The following SMARCD2 variants were observed in gnomAD, a reference collection of about 807,000 sequenced individuals.
SMARCD2 encodes SWI/SNF related BAF chromatin remodeling complex subunit D2.
Under a neutral mutation model 70.4 loss-of-function variants are expected in SMARCD2, and 39 were observed. The observed-to-expected ratio is 0.55, with a 90% CI of 0.43 to 0.72. SMARCD2 has a LOEUF of 0.72. Ranked by LOEUF, SMARCD2 falls within the 30% of genes least tolerant of loss-of-function variation. The pLI is 0.00. For synonymous variants in SMARCD2, 249 were observed against 279.4 expected (o/e 0.89, Z 1.08); for missense variants, 540 against 713.4 (o/e 0.76, Z 2.77).
chr17:63,838,145 C>T (rs542883424), intron 1 of SMARCD2, among the ~76,000 whole-genome samples: 1 of 152,090 alleles, frequency 6.6e-6, no homozygotes, highest in African/African-American at 2.4e-5. Flanking sequence ...CCTCTGTGGC[C>T]GAGGGAGAAA....
chr17:63,839,832 TAA>T (rs1904379304), intron 1 of SMARCD2, among the ~76,000 whole-genome samples: 2 of 152,050 alleles, frequency 1.3e-5, no homozygotes, highest in African/African-American at 4.8e-5. Context: ...CTCCCATGAG[TAA>T]AAAGGATTTT....
chr17:63,834,492 C>G lies in SMARCD2; in HGVS notation c.903G>C (p.Leu301=). 1 of 1,598,178 alleles carries G rather than the reference C, an allele frequency of 6.3e-7. No homozygotes were observed. Among genetic ancestry groups the G allele is most frequent in the Non-Finnish European group, 8.6e-7 (1 of 1,169,018 alleles). The part of the protein sequence containing the change: ...PGDLNVKCTL[L]LMLDHQPPQY... Reference sequence around the variant, plus strand: ...CTGTCACCTGATGATCCAGCATGAGCAGGAGGGTGCACTTGACGTTGAGGT... The same window carrying G: ...CTGTCACCTGATGATCCAGCATGAGGAGGAGGGTGCACTTGACGTTGAGGT... The change falls in exon 7 of 13, where the codon CTG becomes CTC. Residue 301 remains leucine (L), a synonymous_variant. Transcript: ENST00000448276. The surrounding 1 kb of genome is among the most constrained non-coding windows in gnomAD (Gnocchi z 5.6).
chr17:63,839,759 T>A lies in SMARCD2; in HGVS notation c.217-2134A>T, dbSNP rs1039159067. On this transcript the variant is annotated intron_variant, in intron 1 of 12. Transcript: ENST00000448276. ...TGAGCGTGCTTTGCCCTGCCCCAAA[T>A]GTGGCCCTGATGCTCCTGGAACCTG... Among the ~76,000 whole-genome samples the A allele has an allele frequency of 4.6e-5, 7 of 152,244 alleles. No homozygotes were observed. The East Asian group carries it at 9.7e-4, about 21-fold the overall frequency.
Position 63,833,536 on chromosome 17 carries a change from G to A in SMARCD2, c.1317+51C>T. ...TGTATGGAAATGCTGGACAGAGCCAGCCCACCCCAATCCTGGGCCCCAGAG... is the reference window on the plus strand; with the variant it reads ...TGTATGGAAATGCTGGACAGAGCCAACCCACCCCAATCCTGGGCCCCAGAG... On this transcript the variant is annotated intron_variant, in intron 10 of 12. Coordinates refer to ENST00000448276, the MANE Select transcript of SMARCD2 (RefSeq NM_001098426.2). This position sits in a 1 kb window ranked among gnomAD's most constrained non-coding sequence, Gnocchi z 4.3. 1 of 1,612,984 alleles carries A rather than the reference G, an allele frequency of 6.2e-7. No homozygotes were observed. The highest frequency in any genetic ancestry group is 1.1e-5 in the South Asian group (1 of 91,020).
rs199875010 is a variant in SMARCD2, at chr17:63,835,515, G to A, written c.620C>T (p.Ala207Val). Residue 207 changes from alanine (A) to valine (V), a missense_variant, in exon 5 of 13, where the codon GCG becomes GTG. Coordinates refer to ENST00000448276, the MANE Select transcript of SMARCD2 (RefSeq NM_001098426.2). ...YISNTFSPSK[A>V]EGDSAGTAGT... ...TGCAGTTCCTGCACTATCGCCTTCC[G>A]CCTTGCTGGGACTGAACGTATTGGA... 31 of 1,613,856 alleles carry A rather than the reference G, an allele frequency of 1.9e-5. No individual in the cohort carries two copies. Among genetic ancestry groups the A allele is most frequent in the East Asian group, 2.2e-5 (1 of 44,896 alleles).
At chr17:63,835,020 T>C in intron 5 of SMARCD2, 1 of 583,592 alleles carries the variant, frequency 1.7e-6, no homozygotes, top group Non-Finnish European at 3.0e-6. Context: ...TCGACTGCCA[T>C]CTGCAGGAAC....
In SMARCD2 at chr17:63,833,520, A is replaced by G. The variant is rs2040222217; in HGVS notation, c.1317+67T>C. On this transcript the variant is annotated intron_variant, in intron 10 of 12. Coordinates refer to ENST00000448276, the MANE Select transcript of SMARCD2 (RefSeq NM_001098426.2). This position sits in a 1 kb window ranked among gnomAD's most constrained non-coding sequence, Gnocchi z 4.3. ...TCCTCCAGGTGCTACATGTATGGAA[A>G]TGCTGGACAGAGCCAGCCCACCCCA... The G allele has an allele frequency of 3.1e-6, 5 of 1,611,718 alleles. No individual in the cohort carries two copies. The highest frequency in any genetic ancestry group is 3.3e-4 in the Middle Eastern group (2 of 6,042).
rs750967488 is a variant in SMARCD2, at chr17:63,833,641, G to T, written c.1263C>A (p.Ser421Arg). The T allele has an allele frequency of 9.3e-6, 15 of 1,613,970 alleles. No individual in the cohort carries two copies. Among genetic ancestry groups the T allele is most frequent in the Non-Finnish European group, 1.0e-5 (12 of 1,179,870 alleles). The change falls in exon 10 of 13, where the codon AGC becomes AGA. Residue 421 changes from serine (S) to arginine (R), a missense_variant. Ser to Arg is a moderately radical substitution (Grantham distance 110). Coordinates refer to ENST00000448276, the MANE Select transcript of SMARCD2 (RefSeq NM_001098426.2). This position sits in a 1 kb window ranked among gnomAD's most constrained non-coding sequence, Gnocchi z 4.3. Reference protein sequence around the residue: ...EVDDPLKAQMSNFLASTTNQQ... With the variant: ...EVDDPLKAQMRNFLASTTNQQ... ...GATTGGTGGTAGAGGCCAGAAAATT[G>T]CTCATTTGGGCCTTCAGTGGGTCGT... is the stretch of plus-strand genomic sequence containing the variant.
chr17:63,840,188 T>C (rs1904403077), intron 1 of SMARCD2, among the ~76,000 whole-genome samples: 1 of 151,790 alleles, frequency 6.6e-6, no homozygotes. Flanking sequence ...CCCAGCAATC[T>C]GAGGTTTTTG....
chr17:63,832,611 A>G lies in SMARCD2; in HGVS notation c.*327T>C. The G allele has an allele frequency of 2.4e-6, 1 of 408,394 alleles. No homozygotes were observed. Among genetic ancestry groups the G allele is most frequent in the Non-Finnish European group, 4.6e-6 (1 of 218,432 alleles). 25.3% of individuals were successfully genotyped at this position (408,394 alleles called of 1,614,324 possible). On this transcript the variant is annotated 3_prime_UTR_variant, in exon 13 of 13. Transcript: ENST00000448276. ...CAGCTCTGACCCTCGCCCCAGGGGGAGTCTGTAAACATGCAAACCCAGCAG... is the reference window on the plus strand; with the variant it reads ...CAGCTCTGACCCTCGCCCCAGGGGGGGTCTGTAAACATGCAAACCCAGCAG...
rs1349148791 is a variant in SMARCD2, at chr17:63,837,450, T to G, written c.392A>C (p.Gln131Pro). 3 of 1,574,112 alleles carry G rather than the reference T, an allele frequency of 1.9e-6. No homozygotes were observed. Among genetic ancestry groups the G allele is most frequent in the East Asian group, 2.2e-5 (1 of 44,490 alleles). The change falls in exon 2 of 13, where the codon CAG becomes CCG. Residue 131 changes from glutamine (Q) to proline (P), a missense_variant. By Grantham distance (76) the Gln-to-Pro change is moderately conservative. Transcript: ENST00000448276. This position sits in a 1 kb window ranked among gnomAD's most constrained non-coding sequence, Gnocchi z 6.4. Reference protein sequence around the residue: ...VPQAQPPMPAQRRGLKRRKMA... With the variant: ...VPQAQPPMPAPRRGLKRRKMA... ...AGCAGGATGCTCTTACCCCCGGCGC[T>G]GGGCAGGCATGGGAGGCTGCGCCTG...
Position 63,833,038 on chromosome 17 carries a change from C to A in SMARCD2, c.1542+31G>T. The A allele has an allele frequency of 6.3e-7, 1 of 1,586,268 alleles. No homozygotes were observed. Among genetic ancestry groups the A allele is most frequent in the Non-Finnish European group, 8.6e-7 (1 of 1,167,172 alleles). On this transcript the variant is annotated intron_variant, in intron 12 of 12. Transcript: ENST00000448276. This position sits in a 1 kb window ranked among gnomAD's most constrained non-coding sequence, Gnocchi z 4.3. ...TGGCTCAGGCCTTTGCTACTCACGG[C>A]CAAAGGAGGGAAAACAGGGCAGAGC... is the stretch of plus-strand genomic sequence containing the variant.
At position 63,842,642 on chromosome 17, in the gene SMARCD2, C is replaced by T; in HGVS notation, c.33G>A (p.Leu11=). ...CGCCGCCGCCAGGGCTTAGCGGGGGCAGCGGGAACCCGCCCGCGCCTCGGC... is the reference window on the plus strand; with the variant it reads ...CGCCGCCGCCAGGGCTTAGCGGGGGTAGCGGGAACCCGCCCGCGCCTCGGC... The part of the protein sequence containing the change: MSGRGAGGFP[L]PPLSPGGGAV... The change falls in exon 1 of 13, where the codon CTG becomes CTA. Residue 11 remains leucine, a synonymous_variant. Transcript: ENST00000448276. 3.9e-6 allele frequency: 5 copies of T among 1,267,566 alleles called. No individual in the cohort carries two copies. The highest frequency in any genetic ancestry group is 2.8e-5 in the South Asian group (1 of 35,838). The allele number at this position is 1,267,566 out of a possible 1,614,324, so 78.5% of individuals were successfully genotyped here. A position where few individuals can be genotyped will look rare whatever the true frequency, so the allele number is the denominator to read the frequency against.
intron 1 of SMARCD2, among the ~76,000 whole-genome samples, chr17:63,839,490 G>A (rs147437076): frequency 6.6e-6 from 1 of 152,078 alleles, no homozygotes; most frequent in East Asian, 1.9e-4. Context: ...CCCAGGGGAA[G>A]GCTGCTTATA....
intron 1 of SMARCD2, 42 bp downstream of exon 1, chr17:63,842,417 C>T: frequency 7.6e-7 from 1 of 1,322,484 alleles, no homozygotes; most frequent in Admixed American, 3.5e-5. Flanking sequence ...GGCGCCCTCG[C>T]AGCGCCTCTC....
chr17:63,836,569 T>G (rs1462988689), intron 4 of SMARCD2, among the ~76,000 whole-genome samples: 2 of 151,286 alleles, frequency 1.3e-5, no homozygotes, highest in African/African-American at 4.9e-5. Context: ...AGGAACTACC[T>G]TTATCCCCTA....
rs774577699 is a variant in SMARCD2 at position 63,834,598 on chromosome 17, T to C, written c.820-23A>G. 14 of 1,586,800 alleles carry C rather than the reference T, an allele frequency of 8.8e-6. No homozygotes were observed. Among genetic ancestry groups the C allele is most frequent in the Non-Finnish European group, 1.2e-5 (14 of 1,158,892 alleles). On this transcript the variant is annotated intron_variant, in intron 6 of 12. Transcript: ENST00000448276. This position sits in a 1 kb window ranked among gnomAD's most constrained non-coding sequence, Gnocchi z 5.6. ...CCACTGGCAGGGAGGGAAGCATGGC[T>C]TATCACCAAGGGGGTGGGCGTGAAC...
chr17:63,833,671 C>T lies in SMARCD2; in HGVS notation c.1233G>A (p.Glu411=). Residue 411 remains glutamate (E), a synonymous_variant, in exon 10 of 13, where the codon GAG becomes GAA. Transcript: ENST00000448276. This position sits in a 1 kb window ranked among gnomAD's most constrained non-coding sequence, Gnocchi z 4.3. ...TTTGGGCCTTCAGTGGGTCGTCCACCTCCACATCGATGTCGTAACAGGCTG... is the reference window on the plus strand; with the variant it reads ...TTTGGGCCTTCAGTGGGTCGTCCACTTCCACATCGATGTCGTAACAGGCTG... The part of the protein sequence containing the change: ...KKTACYDIDV[E]VDDPLKAQMS... 6.2e-7 allele frequency: 1 copy of T among 1,613,982 alleles called. No individual in the cohort carries two copies. The highest frequency in any genetic ancestry group is 8.5e-7 in the Non-Finnish European group (1 of 1,179,872).
At chr17:63,835,067 T>A (rs1240371801) in intron 5 of SMARCD2, 9 of 545,616 alleles carry the variant, frequency 1.6e-5, no homozygotes, top group Non-Finnish European at 2.6e-5. Context: ...CCAACGGGCT[T>A]GGAGCAGCGC....
Sources: gnomAD v4.1 joint callset for allele counts (sites outside exome capture counted in the v4.1 genomes callset) on GRCh38, gnomAD v4.1.1 for gene constraint, Gnocchi (gnomAD v3.1) non-coding constraint, MANE v1.5 for transcripts, NCBI Gene and HGNC (gene_info 2026-07-23, HGNC 2026-07-21) for gene names.